ACOXL: variants seen among roughly 807,000 people sequenced by gnomAD.
ACOXL encodes acyl-coenzyme A oxidase-like protein.
A neutral mutation model predicts 71.9 loss-of-function variants in ACOXL; 70 were observed. The observed-to-expected ratio is 0.97, with a 90% CI of 0.80 to 1.19. ACOXL has a LOEUF of 1.19. Among genes scored for constraint, ACOXL ranks in the 50% most tolerant of loss-of-function variants. The pLI, the probability that ACOXL is intolerant of heterozygous loss-of-function variation, is 0.00. For synonymous variants in ACOXL, 253 were observed against 281.6 expected, an observed-to-expected ratio of 0.90 and a Z score of 1.02; for missense variants, 703 against 736.3, an observed-to-expected ratio of 0.95 and a Z score of 0.52.
chr2:110,798,255 T>C (rs2105304564), intron 5 of ACOXL, among the ~76,000 whole-genome samples: 1 of 151,284 alleles, frequency 6.6e-6, no homozygotes, highest in East Asian at 1.9e-4. Context: ...ACAGTATTCA[T>C]TGCTTTTTTT....
At chr2:110,908,336 A>T (rs891939056) in intron 10 of ACOXL, among the ~76,000 whole-genome samples, 11 of 152,174 alleles carry the variant, frequency 7.2e-5, no homozygotes, top group African/African-American at 1.9e-4. Context: ...AAAAGTAATG[A>T]CCTACCTGTG....
At chr2:110,969,695 C>T (rs2062094643) in intron 12 of ACOXL, among the ~76,000 whole-genome samples, 1 of 151,862 alleles carries the variant, frequency 6.6e-6, no homozygotes, top group African/African-American at 2.4e-5. Context: ...TCTGTAATCC[C>T]AGCTTCTCGG....
At position 110,933,493 on chromosome 2, in the gene ACOXL, G is replaced by A. The variant is rs1329848184; in HGVS notation, c.910G>A (p.Ala304Thr). 6.2e-7 allele frequency: 1 copy of A among 1,613,738 alleles called. No homozygotes were observed. The highest frequency in any genetic ancestry group is 1.7e-5 in the Admixed American group (1 of 59,982). ...CATGTCTGCTTTGTCCTGCAGGTAT[G>A]CTGGGGCCCTCCTGGATGAGGATGT... ...ALALTFVSRY[A>T]GALLDEDVFQ... The change falls in exon 12 of 18, where the codon GCT (alanine) becomes ACT (threonine). Residue 304 changes from alanine (A) to threonine (T), a missense_variant. Transcript: ENST00000439055.
At chr2:110,791,138 G>T (rs1365002717) in intron 3 of ACOXL, among the ~76,000 whole-genome samples, 1 of 152,226 alleles carries the variant, frequency 6.6e-6, no homozygotes, top group Admixed American at 6.5e-5. Context: ...GGTTGGATTA[G>T]CTGCCCTTCA....
At chr2:110,992,192 A>G (rs2063200715) in intron 13 of ACOXL, among the ~76,000 whole-genome samples, 1 of 152,194 alleles carries the variant, frequency 6.6e-6, no homozygotes, top group African/African-American at 2.4e-5. Context: ...GTTCCAGTCC[A>G]TTTATTTTTG....
intron 16 of ACOXL, among the ~76,000 whole-genome samples, chr2:111,077,312 G>A (rs2067652603): frequency 6.6e-6 from 1 of 152,084 alleles, no homozygotes; most frequent in South Asian, 2.1e-4. Flanking sequence ...ATCTCTTCAA[G>A]TGGAATGTAG....
chr2:110,933,283 C>A (rs1405520811), intron 11 of ACOXL, among the ~76,000 whole-genome samples: 1 of 152,144 alleles, frequency 6.6e-6, no homozygotes, highest in Non-Finnish European at 1.5e-5. Flanking sequence ...GTTTCATTGA[C>A]TAATTAAATA....
intron 17 of ACOXL, among the ~76,000 whole-genome samples, chr2:111,113,428 G>A (rs2070129242): frequency 6.6e-6 from 1 of 152,234 alleles, no homozygotes; most frequent in South Asian, 2.1e-4. Context: ...GGTTACATAT[G>A]TAAAGTGCCA....
At chr2:110,823,661 A>G (rs1421089895) in intron 9 of ACOXL, among the ~76,000 whole-genome samples, 2 of 152,222 alleles carry the variant, frequency 1.3e-5, no homozygotes, top group Admixed American at 6.5e-5. Flanking sequence ...AGCCATTCAA[A>G]TAGGTATGTA....
intron 16 of ACOXL, among the ~76,000 whole-genome samples, chr2:111,061,699 A>T: frequency 6.6e-6 from 1 of 152,120 alleles, no homozygotes; most frequent in African/African-American, 2.4e-5. Flanking sequence ...AACATTTTAG[A>T]CTATTATAAA....
At chr2:111,101,876 A>G (rs531908052) in intron 17 of ACOXL, 3 of 152,636 alleles carry the variant, frequency 2.0e-5, no homozygotes, top group Non-Finnish European at 4.4e-5. Flanking sequence ...TTGAAATGAC[A>G]TTGAAATGGA....
Position 110,794,184 on chromosome 2 carries a change from C to G in ACOXL, c.345+10C>G, listed in dbSNP as rs1173410867. 1 of 1,613,206 alleles carries G rather than the reference C, an allele frequency of 6.2e-7. No individual in the cohort carries two copies. Among genetic ancestry groups the G allele is most frequent in the South Asian group, 1.1e-5 (1 of 91,032 alleles). On this transcript the variant is annotated intron_variant, in intron 5 of 17. Coordinates refer to ENST00000439055, the MANE Select transcript of ACOXL (RefSeq NM_001142807.4). The stretch of plus-strand genomic sequence containing the variant: ...TGACCTCTCTGCCCAGGTGAGGAAT[C>G]CATCCTTCTCCTGCCGTGCAGGGGA...
At chr2:111,035,088 A>G (rs749059633) in intron 15 of ACOXL, among the ~76,000 whole-genome samples, 2 of 151,950 alleles carry the variant, frequency 1.3e-5, no homozygotes, top group African/African-American at 2.4e-5. Context: ...GGGTGGTCTC[A>G]ATCTCCTGAC....
At chr2:110,846,399 A>G (rs1230835539) in intron 10 of ACOXL, among the ~76,000 whole-genome samples, 1 of 152,100 alleles carries the variant, frequency 6.6e-6, no homozygotes, top group African/African-American at 2.4e-5. Flanking sequence ...AGTCACTAAA[A>G]TCCTGTACCC....
At chr2:111,099,492 C>T (rs2150043517) in intron 17 of ACOXL, 1 of 152,356 alleles carries the variant, frequency 6.6e-6, no homozygotes, top group South Asian at 2.1e-4. Flanking sequence ...GACTCCACTC[C>T]ACTGCTGTCC....
At chr2:110,789,650 C>T (rs1462305221) in intron 3 of ACOXL, among the ~76,000 whole-genome samples, 1 of 152,168 alleles carries the variant, frequency 6.6e-6, no homozygotes, top group African/African-American at 2.4e-5. Context: ...GCTCATCTAA[C>T]TTTGATCATT....
chr2:110,995,909 A>C lies in ACOXL; in HGVS notation c.1186A>C (p.Met396Leu), dbSNP rs754888627. ...KLRTSFLAFNMDTVDDLAFLL... is the reference protein window; with the variant it reads ...KLRTSFLAFNLDTVDDLAFLL... Reference sequence around the variant, plus strand: ...TTCTTTCAGTTTCCTGGCATTTAACATGGACACAGTTGATGATCTCGCCTT... The same window carrying C: ...TTCTTTCAGTTTCCTGGCATTTAACCTGGACACAGTTGATGATCTCGCCTT... Residue 396 changes from methionine (M) to leucine (L), a missense_variant, in exon 14 of 18, where the codon ATG becomes CTG. Coordinates refer to ENST00000439055, the MANE Select transcript of ACOXL (RefSeq NM_001142807.4). 14 of 1,614,008 alleles carry C rather than the reference A, an allele frequency of 8.7e-6. No individual in the cohort carries two copies. In the South Asian group the frequency reaches 1.5e-4, roughly 18 times the overall value.
intron 1 of ACOXL, among the ~76,000 whole-genome samples, chr2:110,746,740 G>A (rs544369355): frequency 1.0e-3 from 156 of 152,204 alleles, no homozygotes; most frequent in African/African-American, 3.3e-3. Context: ...GCGAACTACC[G>A]AAGAAACAGG....
intron 12 of ACOXL, chr2:110,968,744 AT>A (rs777334842): frequency 1.9e-5 from 10 of 516,700 alleles, no homozygotes; most frequent in Middle Eastern, 1.1e-3. Flanking sequence ...TTCTATGACG[AT>A]TTTTCAGATA....
Sources: gnomAD v4.1 joint callset for allele counts (sites outside exome capture counted in the v4.1 genomes callset) on GRCh38, gnomAD v4.1.1 for gene constraint, MANE v1.5 for transcripts, NCBI Gene and HGNC (gene_info 2026-07-23, HGNC 2026-07-21) for gene names.